The following HS3ST4 variants were observed in gnomAD, a reference collection of about 807,000 sequenced individuals.
HS3ST4 encodes the protein heparan sulfate glucosamine 3-O-sulfotransferase 4.
Under a neutral mutation model 29.2 loss-of-function variants are expected in HS3ST4, and 17 were observed. The observed-to-expected ratio is 0.58, with a 90% CI of 0.40 to 0.87. The LOEUF (loss-of-function observed/expected upper bound fraction) is 0.87. Among genes scored for constraint, HS3ST4 ranks in the 40% least tolerant of loss-of-function variants. The pLI, the probability that HS3ST4 is intolerant of heterozygous loss-of-function variation, is 0.00. For missense variants in HS3ST4, 627 were observed against 634.5 expected (o/e 0.99, Z 0.13); for synonymous variants, 314 against 285.7 (o/e 1.10, Z -1.00).
intron 1 of HS3ST4, among the ~76,000 whole-genome samples, chr16:25,980,337 CCTT>C (rs377539898): frequency 2.0e-5 from 3 of 152,232 alleles, no homozygotes; most frequent in African/African-American, 7.2e-5. Flanking sequence ...GATAATGTCT[CCTT>C]ATCCTTCAGA....
At chr16:25,868,027 T>G (rs1404852803) in intron 1 of HS3ST4, among the ~76,000 whole-genome samples, 3 of 152,060 alleles carry the variant, frequency 2.0e-5, no homozygotes, top group Admixed American at 6.6e-5. Flanking sequence ...TCCTTCAGAG[T>G]GTTCTTTTAA....
intron 1 of HS3ST4, among the ~76,000 whole-genome samples, chr16:26,082,839 G>A (rs1169415662): frequency 2.6e-5 from 4 of 152,182 alleles, no homozygotes; most frequent in Non-Finnish European, 4.4e-5. Flanking sequence ...ATCTTACCAA[G>A]TGCATTGTCC....
intron 1 of HS3ST4, among the ~76,000 whole-genome samples, chr16:25,710,808 CTTTTTT>C (rs34759495): frequency 4.1e-5 from 2 of 48,546 alleles, no homozygotes; most frequent in Non-Finnish European, 6.8e-5. Flanking sequence ...GCATATTATC[CTTTTTT>C]TTTTTTTTTT....
In HS3ST4 at chr16:25,875,736, A is replaced by G. The variant is rs950726831; in HGVS notation, c.734+182585A>G. Among the ~76,000 whole-genome samples the G allele has an allele frequency of 4.6e-5, 7 of 152,182 alleles. No homozygotes were observed. The East Asian group carries it at 1.2e-3, about 25-fold the overall frequency. On this transcript the variant is annotated intron_variant, in intron 1 of 1. Coordinates refer to ENST00000331351, the MANE Select transcript of HS3ST4 (RefSeq NM_006040.3). The stretch of plus-strand genomic sequence containing the variant: ...TTCCAGTAGCCCTAAGTGTAATTCA[A>G]TTGCAAATACCTGAGGCTGGGAGAC...
intron 1 of HS3ST4, among the ~76,000 whole-genome samples, chr16:25,769,272 G>A (rs1450578875): frequency 2.0e-5 from 3 of 152,104 alleles, no homozygotes; most frequent in African/African-American, 7.2e-5. Flanking sequence ...GGCTCAGTGT[G>A]TGTCTGTGTG....
intron 1 of HS3ST4, among the ~76,000 whole-genome samples, chr16:25,982,721 T>C (rs1645806292): frequency 6.6e-6 from 1 of 152,058 alleles, no homozygotes; most frequent in South Asian, 2.1e-4. Context: ...TCCTAGCTAC[T>C]TGGGAAGCCG....
chr16:25,786,316 A>G (rs1346871246), intron 1 of HS3ST4, among the ~76,000 whole-genome samples: 1 of 152,104 alleles, frequency 6.6e-6, no homozygotes, highest in African/African-American at 2.4e-5. Context: ...ATGCTCTGAA[A>G]CTGACAGCAG....
chr16:26,072,845 A>G (rs1596671306), intron 1 of HS3ST4, among the ~76,000 whole-genome samples: 1 of 152,248 alleles, frequency 6.6e-6, no homozygotes, highest in East Asian at 1.9e-4. Context: ...CTAGTTACTA[A>G]GAGACACTTT....
At chr16:25,837,107 C>T (rs546948573) in intron 1 of HS3ST4, among the ~76,000 whole-genome samples, 7 of 152,314 alleles carry the variant, frequency 4.6e-5, no homozygotes, top group South Asian at 2.1e-4. Context: ...TGGAGTTAGG[C>T]GATGGCAGAT....
chr16:25,955,812 G>T (rs1056605951), intron 1 of HS3ST4, among the ~76,000 whole-genome samples: 1 of 117,148 alleles, frequency 8.5e-6, no homozygotes, highest in Non-Finnish European at 1.7e-5. Flanking sequence ...ACAATGTGAT[G>T]TATACTTTTT....
chr16:25,809,075 T>C (rs1193338824), intron 1 of HS3ST4, among the ~76,000 whole-genome samples: 1 of 152,136 alleles, frequency 6.6e-6, no homozygotes, highest in Non-Finnish European at 1.5e-5. Flanking sequence ...CCGATATCTA[T>C]AGCTTTTCTT....
At position 25,969,404 on chromosome 16, in the gene HS3ST4, C is replaced by G. The variant is rs113940438; in HGVS notation, c.735-166208C>G. On this transcript the variant is annotated intron_variant, in intron 1 of 1. Transcript: ENST00000331351. ...CAGCTTAACTGATTCAAGAATAGTG[C>G]TATCCAGCGCTGCTGGTGGCGGTCC... is the stretch of plus-strand genomic sequence containing the variant. Among the ~76,000 whole-genome samples, 646 of 152,354 alleles carry G rather than the reference C, an allele frequency of 4.2e-3. 7 individuals carry two copies. The highest frequency in any genetic ancestry group is 7.1e-3 in the Non-Finnish European group (482 of 68,040).
chr16:25,901,633 C>T (rs553030598), intron 1 of HS3ST4, among the ~76,000 whole-genome samples: 1 of 152,328 alleles, frequency 6.6e-6, no homozygotes, highest in African/African-American at 2.4e-5. Flanking sequence ...GAGATCGTGC[C>T]ACTGCACTCC....
intron 1 of HS3ST4, among the ~76,000 whole-genome samples, chr16:26,066,979 A>G (rs748713111): frequency 1.3e-5 from 2 of 152,202 alleles, no homozygotes; most frequent in African/African-American, 2.4e-5. Flanking sequence ...AGGACTGCAG[A>G]TACAGATAAA....
At chr16:25,952,706 A>G (rs957343821) in intron 1 of HS3ST4, among the ~76,000 whole-genome samples, 1 of 152,192 alleles carries the variant, frequency 6.6e-6, no homozygotes, top group African/African-American at 2.4e-5. Context: ...CTGTGTGAGC[A>G]AGGGTGAGTT....
intron 1 of HS3ST4, among the ~76,000 whole-genome samples, chr16:25,821,057 A>ATT (rs1259738012): frequency 1.8e-4 from 24 of 135,038 alleles, no homozygotes; most frequent in South Asian, 7.2e-4. Context: ...GCGCCTTTGA[A>ATT]TTTTTTTTTT....
At chr16:25,899,801 TCTC>T (rs1358385321) in intron 1 of HS3ST4, among the ~76,000 whole-genome samples, 3 of 152,076 alleles carry the variant, frequency 2.0e-5, no homozygotes, top group Non-Finnish European at 4.4e-5. Flanking sequence ...CATGAGGACT[TCTC>T]CTTCTTCTCT....
chr16:26,043,801 C>A (rs994893377), intron 1 of HS3ST4, among the ~76,000 whole-genome samples: 2 of 152,154 alleles, frequency 1.3e-5, no homozygotes, highest in African/African-American at 2.4e-5. Flanking sequence ...CTTGTACCCC[C>A]GCCTTCCATG....
At chr16:26,051,391 A>G (rs745458826) in intron 1 of HS3ST4, among the ~76,000 whole-genome samples, 1 of 152,182 alleles carries the variant, frequency 6.6e-6, no homozygotes, top group Non-Finnish European at 1.5e-5. Context: ...AAAGACGAGC[A>G]TGATTCCAGG....
Sources: allele counts gnomAD v4.1 joint callset (sites outside exome capture counted in the v4.1 genomes callset), GRCh38; gene constraint gnomAD v4.1.1; transcripts MANE v1.5; gene names NCBI Gene and HGNC (gene_info 2026-07-23, HGNC 2026-07-21).